The following KCNIP4 variants were observed in gnomAD, a reference collection of about 807,000 sequenced individuals.
The protein encoded by KCNIP4 is Kv channel-interacting protein 4.
Under a neutral mutation model 34.0 loss-of-function variants are expected in KCNIP4, and 12 were observed. That is an observed-to-expected ratio of 0.35 (90% CI 0.23 to 0.57). The LOEUF is 0.57. Ranked by LOEUF, KCNIP4 falls within the 20% of genes least tolerant of loss-of-function variation. The pLI is 0.83. For synonymous variants in KCNIP4, 124 were observed against 102.2 expected (o/e 1.21, Z -1.29); for missense variants, 238 against 311.7 (o/e 0.76, Z 1.78).
At chr4:21,203,966 G>A (rs1374369406) in intron 1 of KCNIP4, among the ~76,000 whole-genome samples, 1 of 152,090 alleles carries the variant, frequency 6.6e-6, no homozygotes, top group Non-Finnish European at 1.5e-5. Context: ...CCAGGTACAG[G>A]AAAACACCTA....
At chr4:20,821,907 A>G (rs886241952) in intron 3 of KCNIP4, among the ~76,000 whole-genome samples, 1 of 151,550 alleles carries the variant, frequency 6.6e-6, no homozygotes, top group Non-Finnish European at 1.5e-5. Flanking sequence ...ACACACACAC[A>G]TTTTCTTTAT....
intron 1 of KCNIP4, among the ~76,000 whole-genome samples, chr4:21,895,085 T>C (rs1727310749): frequency 6.6e-6 from 1 of 152,212 alleles, no homozygotes; most frequent in Non-Finnish European, 1.5e-5. Flanking sequence ...CATTTCTCAA[T>C]TGGAAGATGA....
intron 1 of KCNIP4, among the ~76,000 whole-genome samples, chr4:21,888,330 CATT>C (rs1726903628): frequency 6.6e-6 from 1 of 152,122 alleles, no homozygotes. Context: ...CTCTGTGGAA[CATT>C]ATGCAAAGTG....
chr4:20,924,462 AT>A, intron 1 of KCNIP4, among the ~76,000 whole-genome samples: 1 of 152,118 alleles, frequency 6.6e-6, no homozygotes, highest in East Asian at 1.9e-4. Context: ...CCCTTTATAT[AT>A]TTTTAATAGA....
chr4:20,890,397 G>T (rs902426093), intron 1 of KCNIP4, among the ~76,000 whole-genome samples: 24 of 152,016 alleles, frequency 1.6e-4, no homozygotes, highest in South Asian at 2.1e-4. Flanking sequence ...GCCAGGGAAG[G>T]TTTCATTAGA....
chr4:21,354,750 A>G (rs1395572926), intron 1 of KCNIP4, among the ~76,000 whole-genome samples: 3 of 152,046 alleles, frequency 2.0e-5, no homozygotes, highest in Non-Finnish European at 2.9e-5. Flanking sequence ...AAGACAGAAG[A>G]TTAACAAGGA....
intron 1 of KCNIP4, among the ~76,000 whole-genome samples, chr4:21,882,654 G>C (rs1446384183): frequency 6.6e-6 from 1 of 152,124 alleles, no homozygotes; most frequent in African/African-American, 2.4e-5. Context: ...ACCAAAAGTA[G>C]CCTAAAGCAG....
chr4:21,594,513 A>C (rs914337437), intron 1 of KCNIP4, among the ~76,000 whole-genome samples: 1 of 152,086 alleles, frequency 6.6e-6, no homozygotes, highest in Non-Finnish European at 1.5e-5. Context: ...TAAAATTCTC[A>C]GGGCAATACT....
chr4:20,844,001 G>C (rs1372477735), intron 3 of KCNIP4, among the ~76,000 whole-genome samples: 1 of 152,148 alleles, frequency 6.6e-6, no homozygotes, highest in Non-Finnish European at 1.5e-5. Context: ...AATAAGGAAA[G>C]AACTGAAGGG....
intron 1 of KCNIP4, among the ~76,000 whole-genome samples, chr4:21,734,100 T>C (rs781426032): frequency 5.9e-5 from 9 of 152,316 alleles, no homozygotes; most frequent in Non-Finnish European, 1.2e-4. Flanking sequence ...CAAAATGTTG[T>C]TAAGAAAATG....
chr4:21,533,490 A>G (rs896783671), intron 1 of KCNIP4, among the ~76,000 whole-genome samples: 8 of 152,258 alleles, frequency 5.3e-5, no homozygotes, highest in African/African-American at 1.7e-4. Context: ...ATTTTACCCC[A>G]TTTTAGACCA....
intron 1 of KCNIP4, among the ~76,000 whole-genome samples, chr4:21,134,255 G>A (rs575288378): frequency 2.0e-5 from 3 of 152,098 alleles, no homozygotes; most frequent in Non-Finnish European, 2.9e-5. Flanking sequence ...TGAAGATGAC[G>A]AAGATGAAGA....
In KCNIP4 at chr4:21,089,229, C is replaced by T. The variant is rs138720917; in HGVS notation, c.62-206520G>A. On this transcript the variant is annotated intron_variant, in intron 1 of 8. Coordinates refer to ENST00000382152, the MANE Select transcript of KCNIP4 (RefSeq NM_025221.6). ...GGGGGTGGACTTCCCCCTTGCTGTT[C>T]TCATGATAGTGAGTGAGTTCTCACA... 7.6e-3 allele frequency among the ~76,000 whole-genome samples: 1,154 copies of T among 152,200 alleles called. 22 individuals are homozygous for T. The highest frequency in any genetic ancestry group is 0.026 in the African/African-American group (1,097 of 41,532).
intron 3 of KCNIP4, among the ~76,000 whole-genome samples, chr4:20,799,932 A>G (rs557158841): frequency 1.3e-5 from 2 of 152,298 alleles, no homozygotes; most frequent in South Asian, 4.1e-4. Flanking sequence ...AAGCTGCTAG[A>G]GTTTGTCTCA....
intron 1 of KCNIP4, among the ~76,000 whole-genome samples, chr4:21,246,629 C>A (rs1034766552): frequency 2.0e-5 from 3 of 152,054 alleles, no homozygotes; most frequent in Non-Finnish European, 2.9e-5. Flanking sequence ...CCTTGCCAGG[C>A]ACTATGTTAG....
At chr4:20,839,575 GA>G (rs1170175252) in intron 3 of KCNIP4, among the ~76,000 whole-genome samples, 1 of 151,014 alleles carries the variant, frequency 6.6e-6, no homozygotes, top group African/African-American at 2.4e-5. Context: ...CAAAGTTTGA[GA>G]GGGGGAAAAA....
intron 1 of KCNIP4, among the ~76,000 whole-genome samples, chr4:21,863,341 T>G (rs1725211956): frequency 6.7e-6 from 1 of 149,640 alleles, no homozygotes; most frequent in South Asian, 2.1e-4. Flanking sequence ...ATTTTAAAAA[T>G]TCCTGGATGA....
intron 1 of KCNIP4, among the ~76,000 whole-genome samples, chr4:20,903,034 A>G (rs546243582): frequency 6.6e-6 from 1 of 152,238 alleles, no homozygotes; most frequent in African/African-American, 2.4e-5. Context: ...GTGGTGTGCA[A>G]TTTAAAATTA....
At chr4:21,240,370 TATA>T (rs533394566) in intron 1 of KCNIP4, among the ~76,000 whole-genome samples, 1 of 151,736 alleles carries the variant, frequency 6.6e-6, no homozygotes, top group South Asian at 2.1e-4. Flanking sequence ...AAACTTAAAG[TATA>T]ATAATAATAA....
Sources: gnomAD v4.1 joint callset for allele counts (sites outside exome capture counted in the v4.1 genomes callset) on GRCh38, gnomAD v4.1.1 for gene constraint, MANE v1.5 for transcripts, NCBI Gene and HGNC (gene_info 2026-07-23, HGNC 2026-07-21) for gene names.